Variants in F13A1 observed in about 807,000 individuals in gnomAD.
The protein encoded by F13A1 is FSF, A subunit.
F13A1 carries 47 observed loss-of-function variants against 80.1 expected under a neutral mutation model. The observed-to-expected ratio is 0.59, with a 90% CI of 0.46 to 0.75. F13A1 has a LOEUF of 0.75. Among genes scored for constraint, F13A1 ranks in the 30% least tolerant of loss-of-function variants. The pLI, the probability that F13A1 is intolerant of heterozygous loss-of-function variation, is 0.00. For synonymous variants in F13A1, 349 were observed against 344.9 expected (o/e 1.01, Z -0.13); for missense variants, 817 against 930.4 (o/e 0.88, Z 1.59).
At chr6:6,288,958 A>C (rs1758174391) in intron 3 of F13A1, among the ~76,000 whole-genome samples, 1 of 152,154 alleles carries the variant, frequency 6.6e-6, no homozygotes, top group Non-Finnish European at 1.5e-5. Flanking sequence ...TCTTTTGAGA[A>C]ATGTTTGCTC....
chr6:6,206,040 A>ATTTGT (rs1761483039), intron 8 of F13A1, among the ~76,000 whole-genome samples: 1 of 152,208 alleles, frequency 6.6e-6, no homozygotes, highest in African/African-American at 2.4e-5. Context: ...TTTTGAGAGC[A>ATTTGT]TTTGTTTGTA....
chr6:6,147,383 T>A (rs973898265), intron 14 of F13A1, among the ~76,000 whole-genome samples: 1 of 152,238 alleles, frequency 6.6e-6, no homozygotes, highest in African/African-American at 2.4e-5. Flanking sequence ...GCAGGAAAGA[T>A]ACTTTTTGAC....
chr6:6,174,219 G>A (rs900941267), intron 12 of F13A1, among the ~76,000 whole-genome samples: 3 of 151,964 alleles, frequency 2.0e-5, no homozygotes, highest in African/African-American at 4.8e-5. Context: ...GTGAAATCCC[G>A]TCTCTACTAA....
At position 6,162,623 on chromosome 6, in the gene F13A1, G is replaced by A. The variant is rs990110407; in HGVS notation, c.1908+4835C>T. Among the ~76,000 whole-genome samples, 8 of 152,166 alleles carry A rather than the reference G, an allele frequency of 5.3e-5. No individual in the cohort carries two copies. Among genetic ancestry groups the A allele is most frequent in the South Asian group, 2.1e-4 (1 of 4,824 alleles). ...CTTCCCTCAACAGGCACGTGATCAC[G>A]GGCCAGTTACTAATAAACAGCAATA... is the stretch of plus-strand genomic sequence containing the variant. On this transcript the variant is annotated intron_variant, in intron 13 of 14. Transcript: ENST00000264870. The surrounding 1 kb of genome is among the most constrained non-coding windows in gnomAD (Gnocchi z 4.2).
At chr6:6,266,883 T>C (rs779713926) in intron 3 of F13A1, 74 bp from the exon 4 acceptor site, 22 of 1,587,898 alleles carry the variant, frequency 1.4e-5, no homozygotes, top group Non-Finnish European at 1.6e-5. Context: ...TGTTATCTTA[T>C]AGCTGAAGGG....
chr6:6,195,582 A>C lies in F13A1; in HGVS notation c.1305+215T>G, dbSNP rs143007166. ...TAGTAAAGCATTTACTTTTGGGAGT[A>C]GGGAATCCCAAAACATCAAGGAAAG... On this transcript the variant is annotated intron_variant, in intron 10 of 14. Transcript: ENST00000264870. 7.9e-5 allele frequency among the ~76,000 whole-genome samples: 12 copies of C among 152,352 alleles called. 1 individual carries two copies. The highest frequency in any genetic ancestry group is 2.9e-4 in the African/African-American group (12 of 41,588).
chr6:6,253,438 T>C (rs1220294558), intron 4 of F13A1, among the ~76,000 whole-genome samples: 3 of 152,144 alleles, frequency 2.0e-5, no homozygotes, highest in East Asian at 1.9e-4. Context: ...CATGTGATCA[T>C]ACAAATCTGC....
At chr6:6,297,480 G>C (rs1361968092) in intron 3 of F13A1, among the ~76,000 whole-genome samples, 1 of 151,244 alleles carries the variant, frequency 6.6e-6, no homozygotes, top group Admixed American at 6.6e-5. Flanking sequence ...TCTTGGGAGA[G>C]TGTATGTGTC....
At chr6:6,311,614 T>TATAATATATAAAAACATATATTGTTTAC in intron 2 of F13A1, among the ~76,000 whole-genome samples, 1 of 138,956 alleles carries the variant, frequency 7.2e-6, no homozygotes, top group East Asian at 2.1e-4. Flanking sequence ...TATATGTTTA[T>TATAATATATAAAAACATATATTGTTTAC]ATATAATATA....
chr6:6,240,289 G>A (rs1757468109), intron 6 of F13A1, among the ~76,000 whole-genome samples: 1 of 152,106 alleles, frequency 6.6e-6, no homozygotes. Flanking sequence ...CAAGCTGTTT[G>A]ACCACAAATG....
intron 10 of F13A1, among the ~76,000 whole-genome samples, chr6:6,194,550 A>AG (rs1761256388): frequency 6.6e-6 from 1 of 151,926 alleles, no homozygotes; most frequent in African/African-American, 2.4e-5. Context: ...CTTCCTTCCT[A>AG]GATGGTGTCT....
chr6:6,226,623 C>T (rs1757279535), intron 6 of F13A1, among the ~76,000 whole-genome samples: 1 of 152,176 alleles, frequency 6.6e-6, no homozygotes, highest in South Asian at 2.1e-4. Flanking sequence ...GTAGAGAAGT[C>T]TGTCTTCCCC....
At chr6:6,254,088 CATGAAATACCA>C (rs1172382958) in intron 4 of F13A1, among the ~76,000 whole-genome samples, 11 of 152,048 alleles carry the variant, frequency 7.2e-5, no homozygotes, top group Non-Finnish European at 1.5e-5. Context: ...CCAAATTAAC[CATGAAATACCA>C]ATGAAATACC....
chr6:6,197,316 A>G lies in F13A1; in HGVS notation c.1123T>C (p.Cys375Arg). The G allele has an allele frequency of 1.2e-6, 2 of 1,614,154 alleles. No homozygotes were observed. Among genetic ancestry groups the G allele is most frequent in the Non-Finnish European group, 1.7e-6 (2 of 1,179,978 alleles). The stretch of plus-strand genomic sequence containing the variant: ...CTTGTCATCCATGCTTCATTCCAGC[A>G]GTGGTAGTTCCTTAGAAAACACAAG... ...LTKDSVWNYH[C>R]WNEAWMTRPD... Residue 375 changes from cysteine to arginine, a missense_variant, in exon 9 of 15, where the codon TGC (cysteine) becomes CGC (arginine). Coordinates refer to ENST00000264870, the MANE Select transcript of F13A1 (RefSeq NM_000129.4).
chr6:6,316,891 G>A (rs1758693744), intron 2 of F13A1, among the ~76,000 whole-genome samples: 1 of 152,220 alleles, frequency 6.6e-6, no homozygotes, highest in Admixed American at 6.5e-5. Context: ...AGTGGCAGAT[G>A]TGGAACAGGA....
chr6:6,185,431 C>G (rs1253223765), intron 10 of F13A1, among the ~76,000 whole-genome samples: 1 of 121,690 alleles, frequency 8.2e-6, no homozygotes, highest in Non-Finnish European at 1.8e-5. Context: ...ATGATGTGAT[C>G]TCATTGTTCA....
chr6:6,295,626 T>C (rs1758312937), intron 3 of F13A1, among the ~76,000 whole-genome samples: 1 of 143,840 alleles, frequency 7.0e-6, no homozygotes, highest in Non-Finnish European at 1.5e-5. Flanking sequence ...TTTGAGTTCA[T>C]TGTAGATTCT....
chr6:6,174,778 A>C lies in F13A1; in HGVS notation c.1549T>G (p.Ser517Ala). 1 of 1,614,102 alleles carries C rather than the reference A, an allele frequency of 6.2e-7. No individual in the cohort carries two copies. The change falls in exon 12 of 15, where the codon TCC becomes GCC. Residue 517 changes from serine to alanine, a missense_variant. By Grantham distance (99) the Ser-to-Ala change is moderately conservative. Transcript: ENST00000264870. ...LNTEGVMKSRSNVDMDFEVEN... is the reference protein window; with the variant it reads ...LNTEGVMKSRANVDMDFEVEN... ...ACTTCAAAGTCCATGTCAACGTTGGACCTTGATTTCATGACACCTTCTGTG... is the reference window on the plus strand; with the variant it reads ...ACTTCAAAGTCCATGTCAACGTTGGCCCTTGATTTCATGACACCTTCTGTG...
intron 14 of F13A1, among the ~76,000 whole-genome samples, chr6:6,150,848 GGAGA>G (rs367878803): frequency 6.6e-6 from 1 of 150,976 alleles, no homozygotes; most frequent in African/African-American, 2.4e-5. Context: ...GGAATGTGTG[GGAGA>G]GAGAGAGAGA....
Sources: allele counts gnomAD v4.1 joint callset (sites outside exome capture counted in the v4.1 genomes callset), GRCh38; gene constraint gnomAD v4.1.1; non-coding constraint Gnocchi (gnomAD v3.1); transcripts MANE v1.5; gene names NCBI Gene and HGNC (gene_info 2026-07-23, HGNC 2026-07-21).